The following DRC2 variants were observed in gnomAD, a reference collection of about 807,000 sequenced individuals.
The protein encoded by DRC2 is coiled-coil domain containing 65.
the DRC2 span, among the ~76,000 whole-genome samples, chr12:48,915,280 C>T: frequency 6.7e-6 from 1 of 150,240 alleles, no homozygotes; most frequent in South Asian, 2.2e-4. Context: ...GTTTGTGTCC[C>T]TGGGTACTTG....
At chr12:48,917,416 A>T in the DRC2 span, among the ~76,000 whole-genome samples, 1 of 151,964 alleles carries the variant, frequency 6.6e-6, no homozygotes. Flanking sequence ...GTGAACTGTG[A>T]TAGCAACACT....
the DRC2 span, among the ~76,000 whole-genome samples, chr12:48,915,335 A>G: frequency 6.1e-5 from 9 of 147,138 alleles, no homozygotes; most frequent in Non-Finnish European, 1.0e-4. Context: ...GCTGCCTTCA[A>G]GCATCTGTTT....
the DRC2 span, chr12:48,916,917 T>C: frequency 6.4e-7 from 1 of 1,563,652 alleles, no homozygotes; most frequent in Non-Finnish European, 8.8e-7. Flanking sequence ...ATTGTCATTA[T>C]TGGTCAATAT....
At chr12:48,904,606 A>T in the DRC2 span, 1 of 1,286,094 alleles carries the variant, frequency 7.8e-7, no homozygotes, top group Non-Finnish European at 1.1e-6. Context: ...GATTTCAGGC[A>T]ACATTGTTTG....
chr12:48,910,417 C>A, the DRC2 span, among the ~76,000 whole-genome samples: 64 of 152,260 alleles, frequency 4.2e-4, no homozygotes, highest in Admixed American at 1.4e-3. Context: ...TCATAAGATC[C>A]TTTTATCATT....
the DRC2 span, chr12:48,921,364 TC>T: frequency 6.2e-7 from 1 of 1,614,138 alleles, no homozygotes; most frequent in Non-Finnish European, 8.5e-7. Context: ...CTCTTTATAG[TC>T]AACTATCAAA....
the DRC2 span, among the ~76,000 whole-genome samples, chr12:48,911,019 A>G: frequency 6.6e-6 from 1 of 152,104 alleles, no homozygotes; most frequent in Non-Finnish European, 1.5e-5. Context: ...TATGTAAGAG[A>G]TTGTTCCATA....
At chr12:48,910,398 G>A in the DRC2 span, among the ~76,000 whole-genome samples, 11 of 152,172 alleles carry the variant, frequency 7.2e-5, no homozygotes, top group Admixed American at 5.2e-4. Context: ...TCCATTATCA[G>A]AACCTATTTC....
chr12:48,914,341 T>C, the DRC2 span: 2 of 1,476,414 alleles, frequency 1.4e-6, no homozygotes, highest in Non-Finnish European at 1.8e-6. Flanking sequence ...CAGCTGAATA[T>C]ATTTTTATTT....
chr12:48,918,004 G>A, the DRC2 span: 1 of 386,470 alleles, frequency 2.6e-6, no homozygotes, highest in East Asian at 4.5e-5. Context: ...GCAACACTGG[G>A]CCACATTTCC....
At chr12:48,918,829 T>A in the DRC2 span, 6 of 1,614,068 alleles carry the variant, frequency 3.7e-6, no homozygotes, top group South Asian at 6.6e-5. Flanking sequence ...CCGGGCAGCA[T>A]CCCAGAAGAA....
At chr12:48,904,495 C>G in the DRC2 span, 30 of 1,608,420 alleles carry the variant, frequency 1.9e-5, no homozygotes, top group Non-Finnish European at 2.3e-5. Flanking sequence ...TTATGTCCTG[C>G]TCAACCCCAT....
chr12:48,917,684 C>A, the DRC2 span, among the ~76,000 whole-genome samples: 41 of 152,134 alleles, frequency 2.7e-4, no homozygotes, highest in Non-Finnish European at 5.1e-4. Flanking sequence ...TCTGGCTTCA[C>A]CCCTGTGATT....
the DRC2 span, among the ~76,000 whole-genome samples, chr12:48,915,105 ACTTT>A: frequency 1.0e-5 from 1 of 97,470 alleles, no homozygotes; most frequent in African/African-American, 3.4e-5. Context: ...CCAACTACCC[ACTTT>A]CTTTCTTTTT....
At chr12:48,905,320 T>C in the DRC2 span, among the ~76,000 whole-genome samples, 4 of 152,200 alleles carry the variant, frequency 2.6e-5, no homozygotes, top group African/African-American at 9.6e-5. Context: ...TTGTCATCTA[T>C]TGCCCAAAAC....
At chr12:48,913,585 C>T in the DRC2 span, among the ~76,000 whole-genome samples, 1 of 151,554 alleles carries the variant, frequency 6.6e-6, no homozygotes, top group Non-Finnish European at 1.5e-5. Flanking sequence ...CTCTGCCTCC[C>T]AGGTTCAAGC....
chr12:48,914,304 T>C, the DRC2 span: 1 of 1,191,788 alleles, frequency 8.4e-7, no homozygotes, highest in South Asian at 1.6e-5. Context: ...GTCAAAGAAT[T>C]GGCATTAGGA....
At chr12:48,911,916 T>G in the DRC2 span, among the ~76,000 whole-genome samples, 1 of 151,950 alleles carries the variant, frequency 6.6e-6, no homozygotes, top group Non-Finnish European at 1.5e-5. Context: ...ATTTACCAGT[T>G]TTAAAAAAAA....
chr12:48,921,252 C>T, the DRC2 span: 23 of 1,614,084 alleles, frequency 1.4e-5, no homozygotes, highest in Admixed American at 1.0e-4. Flanking sequence ...CCAACATAGA[C>T]GAGCCCAGCT....
Sources: allele counts gnomAD v4.1 joint callset (sites outside exome capture counted in the v4.1 genomes callset), GRCh38; gene constraint gnomAD v4.1.1; transcripts MANE v1.5; gene names NCBI Gene and HGNC (gene_info 2026-07-23, HGNC 2026-07-21).